KIF1C: variants seen among roughly 807,000 people sequenced by gnomAD.
The protein encoded by KIF1C is kinesin family member 1C.
KIF1C carries 61 observed loss-of-function variants against 126.5 expected under a neutral mutation model. That is an observed-to-expected ratio of 0.48 (90% CI 0.39 to 0.60). The LOEUF (loss-of-function observed/expected upper bound fraction) is 0.60. KIF1C is among the 20% of genes least tolerant of loss of function. KIF1C has a pLI of 0.00. For synonymous variants in KIF1C, 640 were observed against 580.6 expected, an observed-to-expected ratio of 1.10 and a Z score of -1.47; for missense variants, 1,315 against 1,489.2, an observed-to-expected ratio of 0.88 and a Z score of 1.93.
At chr17:5,007,121 G>A (rs1304057540) in intron 14 of KIF1C, 37 bp downstream of exon 14, 19 of 1,580,934 alleles carry the variant, frequency 1.2e-5, no homozygotes, top group Non-Finnish European at 1.5e-5. Context: ...GGGGGTCTGG[G>A]CATTCCTGGG....
rs1304103979 is a variant in KIF1C at position 5,023,771 on chromosome 17, C to T, written c.2932C>T (p.Arg978Cys). 11 of 1,522,414 alleles carry T rather than the reference C, an allele frequency of 7.2e-6. No homozygotes were observed. Among genetic ancestry groups the T allele is most frequent in the African/African-American group, 1.4e-5 (1 of 71,790 alleles). The allele number at this position is 1,522,414 out of a possible 1,614,324, so 94.3% of individuals were successfully genotyped here. A position where few individuals can be genotyped will look rare whatever the true frequency, so the allele number is the denominator to read the frequency against. ...TGTGCCCCCTCACGACTGCAAGCTA[C>T]GCTTCCCCTTCAAGAGCAACCCCCA... The part of the protein sequence containing the change: ...RFVPPHDCKL[R>C]FPFKSNPQHR... Residue 978 changes from arginine to cysteine, a missense_variant, in exon 23 of 23, where the codon CGC (arginine) becomes TGC (cysteine). Coordinates refer to ENST00000320785, the MANE Select transcript of KIF1C (RefSeq NM_006612.6). The surrounding 1 kb of genome is among the most constrained non-coding windows in gnomAD (Gnocchi z 4.2).
chr17:5,003,436 A>G (rs542428150), intron 8 of KIF1C, among the ~76,000 whole-genome samples, 176 bp from the exon 9 acceptor site: 67 of 152,202 alleles, frequency 4.4e-4, no homozygotes, highest in Admixed American at 1.4e-3. Flanking sequence ...TAATTGAGTG[A>G]GTAACCACCG....
chr17:5,025,809 G>A lies in KIF1C; in HGVS notation c.*1658G>A, dbSNP rs1278187457. On this transcript the variant is annotated 3_prime_UTR_variant, in exon 23 of 23. Transcript: ENST00000320785. Reference sequence around the variant, plus strand: ...CACTCCAGCCTGGGCGACAGAGCGAGACTCCATTTCAAGAAAAATTAAAAA... The same window carrying A: ...CACTCCAGCCTGGGCGACAGAGCGAAACTCCATTTCAAGAAAAATTAAAAA... 6.6e-6 allele frequency: 1 copy of A among 152,210 alleles called. No homozygotes were observed. The highest frequency in any genetic ancestry group is 1.5e-5 in the Non-Finnish European group (1 of 68,058). 9.4% of individuals were successfully genotyped at this position (152,210 alleles called of 1,614,324 possible). A position where few individuals can be genotyped will look rare whatever the true frequency, so the allele number is the denominator to read the frequency against.
chr17:5,003,535 C>T lies in KIF1C; in HGVS notation c.721-77C>T, dbSNP rs1158861910. ...TAGCCCTTGCCAGCTGCCCACATTC[C>T]TGCTGGGTGCTTCCCTGATTTCCCT... On this transcript the variant is annotated intron_variant, in intron 8 of 22. Transcript: ENST00000320785. 5 of 1,048,816 alleles carry T rather than the reference C, an allele frequency of 4.8e-6. No individual in the cohort carries two copies. The East Asian group carries it at 9.7e-5, about 20-fold the overall frequency. 65.0% of individuals were successfully genotyped at this position (1,048,816 alleles called of 1,614,324 possible).
rs1004947149 is a variant in KIF1C, at chr17:5,020,395, G to A, written c.1751-97G>A. 20 of 1,260,804 alleles carry A rather than the reference G, an allele frequency of 1.6e-5. No homozygotes were observed. The highest frequency in any genetic ancestry group is 2.0e-5 in the Non-Finnish European group (18 of 912,848). The allele number at this position is 1,260,804 out of a possible 1,614,324, so 78.1% of individuals were successfully genotyped here. A position where few individuals can be genotyped will look rare whatever the true frequency, so the allele number is the denominator to read the frequency against. ...GACTTGGGGTGATGAAGGGGAGGGT[G>A]TCACAGCCCCTGTGCCAGATTCTCT... On this transcript the variant is annotated intron_variant, in intron 19 of 22. Coordinates refer to ENST00000320785, the MANE Select transcript of KIF1C (RefSeq NM_006612.6). This position sits in a 1 kb window ranked among gnomAD's most constrained non-coding sequence, Gnocchi z 5.8.
At position 5,007,149 on chromosome 17, in the gene KIF1C, T is replaced by C. The variant is rs994070766; in HGVS notation, c.1335+65T>C. The stretch of plus-strand genomic sequence containing the variant: ...TTCCTGGGAGTTTACTTCTCCAAAG[T>C]CAAGCTTGAGAAAGAAGGAATTCTA... On this transcript the variant is annotated intron_variant, in intron 14 of 22. Transcript: ENST00000320785. 46 of 1,575,884 alleles carry C rather than the reference T, an allele frequency of 2.9e-5. No individual in the cohort carries two copies. The African/African-American group carries it at 4.9e-4, about 17-fold the overall frequency.
At position 5,022,386 on chromosome 17, in the gene KIF1C, G is replaced by C; in HGVS notation, c.2305G>C (p.Ala769Pro). 2 of 1,580,620 alleles carry C rather than the reference G, an allele frequency of 1.3e-6. No homozygotes were observed. Among genetic ancestry groups the C allele is most frequent in the Non-Finnish European group, 1.7e-6 (2 of 1,162,280 alleles). The change falls in exon 22 of 23, where the codon GCT becomes CCT. Residue 769 changes from alanine (A) to proline (P), a missense_variant. By Grantham distance (27) the Ala-to-Pro change is conservative. This residue lies in a region of KIF1C where 874 missense variants were observed against 1,053.2 expected (regional missense o/e 0.83). Transcript: ENST00000320785. The surrounding 1 kb of genome is among the most constrained non-coding windows in gnomAD (Gnocchi z 4.9). ...CCTGGCTGACTTCCGCCACGGGCGG[G>C]CTGAGATTGAGGCCCTGGCCGCCCT... ...VALADFRHGR[A>P]EIEALAALKM...
intron 6 of KIF1C, 92 bp downstream of exon 6, chr17:5,002,216 C>T: frequency 8.2e-7 from 1 of 1,213,520 alleles, no homozygotes; most frequent in Non-Finnish European, 1.2e-6. Flanking sequence ...AATCCTGGCT[C>T]TGCTGGTTAC....
intron 13 of KIF1C, among the ~76,000 whole-genome samples, chr17:5,005,387 T>G (rs1389851110): frequency 1.3e-5 from 2 of 152,228 alleles, no homozygotes; most frequent in African/African-American, 4.8e-5. Context: ...GCCTAACAGA[T>G]CTCAGTGGAG....
intron 13 of KIF1C, among the ~76,000 whole-genome samples, chr17:5,005,426 A>G (rs55770506): frequency 0.063 from 9,557 of 152,276 alleles, 379 homozygotes; most frequent in Middle Eastern, 0.14. Flanking sequence ...GCTCAGCCTC[A>G]CTGATGGAAA....
rs369631181 is a variant in KIF1C, at chr17:5,002,063, G to T, written c.368G>T (p.Cys123Phe). 30 of 1,613,892 alleles carry T rather than the reference G, an allele frequency of 1.9e-5. No individual in the cohort carries two copies. The highest frequency in any genetic ancestry group is 3.3e-5 in the Admixed American group (2 of 59,998). The change falls in exon 6 of 23, where the codon TGT (cysteine) becomes TTT (phenylalanine). Residue 123 changes from cysteine to phenylalanine, a missense_variant. By Grantham distance (205) the Cys-to-Phe change is radical (BLOSUM62 -2). Around this residue, in one of 2 missense-constraint regions of KIF1C, gnomAD observed 874 missense variants for 1,053.2 expected, o/e 0.83. Transcript: ENST00000320785. ...TTTCCCTGTGTCCCCCTCCAGCTCTGTGAGGACCTCTTCTCTCGCGTTAGT... is the reference window on the plus strand; with the variant it reads ...TTTCCCTGTGTCCCCCTCCAGCTCTTTGAGGACCTCTTCTCTCGCGTTAGT... ...PGQQGIVPQL[C>F]EDLFSRVSEN...
At chr17:5,021,179 T>TTC (rs1289713181) in intron 21 of KIF1C, among the ~76,000 whole-genome samples, 1 of 143,042 alleles carries the variant, frequency 7.0e-6, no homozygotes, top group African/African-American at 2.6e-5. Flanking sequence ...GTTTTTTTTT[T>TTC]TTTTTTTTTT....
At chr17:5,003,021 CT>C (rs1418824168) in intron 8 of KIF1C, among the ~76,000 whole-genome samples, 179 bp downstream of exon 8, 1 of 151,694 alleles carries the variant, frequency 6.6e-6, no homozygotes, top group African/African-American at 2.4e-5. Flanking sequence ...GTCTGTCCCC[CT>C]CTACTGTTTG....
chr17:5,003,949 G>C (rs948311897), intron 10 of KIF1C, 33 bp downstream of exon 10: 2 of 1,611,172 alleles, frequency 1.2e-6, no homozygotes, highest in African/African-American at 2.7e-5. Context: ...AAGGGGCTTG[G>C]GAAAGGGGAG....
At chr17:5,009,140 T>C (rs1210320085) in intron 16 of KIF1C, among the ~76,000 whole-genome samples, 4 of 151,614 alleles carry the variant, frequency 2.6e-5, no homozygotes, top group Non-Finnish European at 5.9e-5. Context: ...CTCTCCATCC[T>C]TCCCACCCTT....
At chr17:5,012,378 G>A (rs1347778494) in intron 16 of KIF1C, among the ~76,000 whole-genome samples, 2 of 152,034 alleles carry the variant, frequency 1.3e-5, no homozygotes, top group South Asian at 2.1e-4. Context: ...GGGGCGGGGC[G>A]GGAGGCGGTC....
intron 16 of KIF1C, among the ~76,000 whole-genome samples, chr17:5,009,559 C>T (rs543053311): frequency 7.3e-5 from 11 of 151,478 alleles, no homozygotes; most frequent in African/African-American, 1.2e-4. Flanking sequence ...GAGGCCAAGG[C>T]GGGTGGATCA....
chr17:5,015,428 C>G lies in KIF1C; in HGVS notation c.1666+591C>G, dbSNP rs186602441. Among the ~76,000 whole-genome samples, 26 of 151,740 alleles carry G rather than the reference C, an allele frequency of 1.7e-4. No individual in the cohort carries two copies. In the East Asian group the frequency reaches 4.1e-3, roughly 24 times the overall value. On this transcript the variant is annotated intron_variant, in intron 18 of 22. Coordinates refer to ENST00000320785, the MANE Select transcript of KIF1C (RefSeq NM_006612.6). ...CCTCCCGAGTAGCCGGGATTACAAG[C>G]ATGTGCCACCATGCCTGGCTAATTT...
At chr17:5,014,888 T>TC (rs1316789749) in intron 18 of KIF1C, 51 bp downstream of exon 18, 1 of 1,421,260 alleles carries the variant, frequency 7.0e-7, no homozygotes, top group East Asian at 2.5e-5. Context: ...GGCCCCATGT[T>TC]CCACCCCACA....
Sources: gnomAD v4.1 joint callset for allele counts (sites outside exome capture counted in the v4.1 genomes callset) on GRCh38, gnomAD v4.1.1 for gene constraint, gnomAD v4.1.1 regional missense constraint, Gnocchi (gnomAD v3.1) non-coding constraint, MANE v1.5 for transcripts, NCBI Gene and HGNC (gene_info 2026-07-23, HGNC 2026-07-21) for gene names.